The following CERKL variants were observed in gnomAD, a reference collection of about 807,000 sequenced individuals.
The protein encoded by CERKL is ceramide kinase-like protein.
In CERKL, 61 loss-of-function variants were observed where a neutral mutation model predicts 63.4. That is an observed-to-expected ratio of 0.96 (90% confidence interval 0.78 to 1.19). The LOEUF (loss-of-function observed/expected upper bound fraction) is 1.19. CERKL is among the 50% of genes most tolerant of loss of function. The pLI is 0.00. For synonymous variants in CERKL, 250 were observed against 230.5 expected, an observed-to-expected ratio of 1.08 and a Z score of -0.77; for missense variants, 675 against 655.5, an observed-to-expected ratio of 1.03 and a Z score of -0.33.
At chr2:181,546,676 G>A (rs1031215756) in intron 10 of CERKL, among the ~76,000 whole-genome samples, 2 of 152,158 alleles carry the variant, frequency 1.3e-5, no homozygotes, top group Non-Finnish European at 2.9e-5. Context: ...ATTCAGGAAA[G>A]AAATATTTTC....
rs765666410 is a variant in CERKL at position 181,656,939 on chromosome 2, G to C, written c.68C>G (p.Pro23Arg). ...CGCCGGAGGCACAGCGGCAGCCTCC[G>C]GGGGCGCCTCTTCCTCCCGGCCGCC... ...LEGGREEEAP[P>R]EAAAVPPALL... The change falls in exon 1 of 13, where the codon CCG becomes CGG. Residue 23 changes from proline (P) to arginine (R), a missense_variant. Physicochemically the swap from Pro to Arg is moderately radical, Grantham distance 103. Coordinates refer to ENST00000410087, the MANE Select transcript of CERKL (RefSeq NM_201548.5). 30 of 1,588,226 alleles carry C rather than the reference G, an allele frequency of 1.9e-5. No homozygotes were observed. Among genetic ancestry groups the C allele is most frequent in the Non-Finnish European group, 2.3e-5 (27 of 1,166,562 alleles).
intron 5 of CERKL, among the ~76,000 whole-genome samples, chr2:181,556,001 C>T (rs1688187032): frequency 6.6e-6 from 1 of 151,966 alleles, no homozygotes; most frequent in Non-Finnish European, 1.5e-5. Context: ...GATCCACTAC[C>T]TCGGCCTCCC....
At chr2:181,551,967 CA>C (rs1688006030) in intron 5 of CERKL, among the ~76,000 whole-genome samples, 1 of 152,020 alleles carries the variant, frequency 6.6e-6, no homozygotes. Flanking sequence ...TTTATATACA[CA>C]ATGGAATACT....
chr2:181,576,957 A>G (rs1684255477), intron 2 of CERKL, among the ~76,000 whole-genome samples: 1 of 152,242 alleles, frequency 6.6e-6, no homozygotes, highest in Non-Finnish European at 1.5e-5. Flanking sequence ...AGTAATGACA[A>G]TAACAAGATC....
chr2:181,651,601 A>G (rs1687942272), intron 1 of CERKL, among the ~76,000 whole-genome samples: 1 of 152,206 alleles, frequency 6.6e-6, no homozygotes, highest in Non-Finnish European at 1.5e-5. Flanking sequence ...CAATTCTAAG[A>G]TCAATAACAA....
intron 1 of CERKL, among the ~76,000 whole-genome samples, chr2:181,636,689 T>C (rs745791592): frequency 6.6e-6 from 1 of 152,194 alleles, no homozygotes; most frequent in East Asian, 1.9e-4. Flanking sequence ...AATTTTCTTT[T>C]TCTAGAATGG....
intron 4 of CERKL, among the ~76,000 whole-genome samples, chr2:181,562,907 A>G (rs561590837): frequency 3.7e-4 from 56 of 152,302 alleles, no homozygotes; most frequent in African/African-American, 1.3e-3. Context: ...TAAAATGTCA[A>G]TATAATCCAA....
intron 1 of CERKL, among the ~76,000 whole-genome samples, chr2:181,609,426 T>C (rs1199371292): frequency 1.3e-5 from 2 of 149,682 alleles, no homozygotes; most frequent in African/African-American, 2.5e-5. Context: ...CCAGGCACAG[T>C]GGCTCACACC....
chr2:181,544,627 G>A (rs1687646041), intron 11 of CERKL, 73 bp downstream of exon 11: 4 of 839,560 alleles, frequency 4.8e-6, no homozygotes, highest in Non-Finnish European at 7.9e-6. Context: ...AGGATTCGAT[G>A]TCAATTCTTG....
chr2:181,641,843 G>T (rs904057730), intron 1 of CERKL, among the ~76,000 whole-genome samples: 4 of 152,144 alleles, frequency 2.6e-5, no homozygotes, highest in South Asian at 2.1e-4. Context: ...GGTGGTAACT[G>T]TATTGAACAC....
At chr2:181,646,854 T>C (rs950368735) in intron 1 of CERKL, among the ~76,000 whole-genome samples, 4 of 152,172 alleles carry the variant, frequency 2.6e-5, no homozygotes, top group Non-Finnish European at 4.4e-5. Flanking sequence ...AGGTCTCAGA[T>C]GGTTGAAGAA....
intron 1 of CERKL, among the ~76,000 whole-genome samples, chr2:181,636,278 A>G (rs62189989): frequency 0.25 from 38,747 of 152,024 alleles, 6,486 homozygotes; most frequent in Non-Finnish European, 0.37. Context: ...TCTCACCATC[A>G]CCATTATTTA....
At chr2:181,569,813 G>A (rs1425022144) in intron 3 of CERKL, among the ~76,000 whole-genome samples, 1 of 152,044 alleles carries the variant, frequency 6.6e-6, no homozygotes, top group Non-Finnish European at 1.5e-5. Context: ...AATAGATGGG[G>A]CACATTTATT....
At chr2:181,586,827 C>A (rs983661622) in intron 2 of CERKL, among the ~76,000 whole-genome samples, 1 of 152,230 alleles carries the variant, frequency 6.6e-6, no homozygotes, top group Non-Finnish European at 1.5e-5. Flanking sequence ...CCCAGACTCA[C>A]ATCTGTGCTG....
In CERKL at chr2:181,583,562, C is replaced by T. The variant is rs544666330; in HGVS notation, c.482-9678G>A. 3.3e-5 allele frequency among the ~76,000 whole-genome samples: 5 copies of T among 152,244 alleles called. No individual in the cohort carries two copies. In the East Asian group the frequency reaches 5.8e-4, roughly 18 times the overall value. On this transcript the variant is annotated intron_variant, in intron 2 of 12. Transcript: ENST00000410087. ...TTAAACGATATCACAAAGAAGCCAT[C>T]GGATAGTGGTACAGCAGTAGTGCTC...
rs147799991 is a variant in CERKL at position 181,613,987 on chromosome 2, C to T, written c.239-9908G>A. Among the ~76,000 whole-genome samples, 1,243 of 152,260 alleles carry T rather than the reference C, an allele frequency of 8.2e-3. 15 individuals carry two copies. Among genetic ancestry groups the T allele is most frequent in the African/African-American group, 0.026 (1,065 of 41,552 alleles). On this transcript the variant is annotated intron_variant, in intron 1 of 12. Transcript: ENST00000410087. ...AACTTGTTAGTATTCTATAAACAAG[C>T]TTAAAATGTTTTTATTTAAAGTCTT...
At chr2:181,597,429 AT>A (rs781458404) in intron 2 of CERKL, among the ~76,000 whole-genome samples, 12 of 152,190 alleles carry the variant, frequency 7.9e-5, no homozygotes, top group Non-Finnish European at 1.2e-4. Context: ...TAGAAAGAAG[AT>A]CAAAGTTACT....
chr2:181,547,540 C>G (rs1036476324), intron 10 of CERKL, 78 bp downstream of exon 10: 14 of 1,117,210 alleles, frequency 1.3e-5, no homozygotes, highest in African/African-American at 3.1e-5. Context: ...TCTAGCTAAC[C>G]AACAGTTAAT....
intron 1 of CERKL, among the ~76,000 whole-genome samples, chr2:181,606,533 A>G (rs1574492739): frequency 1.2e-4 from 1 of 8,552 alleles, no homozygotes; most frequent in Non-Finnish European, 2.4e-4. Flanking sequence ...GGTAGGGGAG[A>G]GGAGGGGGAG....
Sources: gnomAD v4.1 joint callset for allele counts (sites outside exome capture counted in the v4.1 genomes callset) on GRCh38, gnomAD v4.1.1 for gene constraint, MANE v1.5 for transcripts, NCBI Gene and HGNC (gene_info 2026-07-23, HGNC 2026-07-21) for gene names.